The following TEDC1 variants were observed in gnomAD, a reference collection of about 807,000 sequenced individuals.
TEDC1 encodes the protein tubulin epsilon and delta complex protein 1.
A neutral mutation model predicts 59.9 loss-of-function variants in TEDC1; 54 were observed. That is an observed-to-expected ratio of 0.90 (90% confidence interval 0.72 to 1.13). TEDC1 has a LOEUF of 1.13. Ranked by LOEUF, TEDC1 falls within the 50% of genes most tolerant of loss-of-function variation. The pLI, the probability that TEDC1 is intolerant of heterozygous loss-of-function variation, is 0.00. For synonymous variants in TEDC1, 353 were observed against 298.1 expected, an observed-to-expected ratio of 1.18 and a Z score of -1.90; for missense variants, 734 against 683.4, an observed-to-expected ratio of 1.07 and a Z score of -0.83.
At chr14:105,492,829 C>T (rs2084247824) in intron 4 of TEDC1, 95 bp downstream of exon 4, 1 of 1,458,884 alleles carries the variant, frequency 6.9e-7, no homozygotes, top group Non-Finnish European at 9.1e-7. Flanking sequence ...AGGCCTGGCA[C>T]AGGCTTTTGG....
In TEDC1 at chr14:105,492,739, A is replaced by G. The variant is rs1201060147; in HGVS notation, c.585+5A>G. 6 of 1,540,450 alleles carry G rather than the reference A, an allele frequency of 3.9e-6. No homozygotes were observed. The highest frequency in any genetic ancestry group is 5.2e-6 in the Non-Finnish European group (6 of 1,146,658). On this transcript the variant is annotated splice_donor_5th_base_variant and intron_variant, in intron 4 of 8. Coordinates refer to ENST00000392523, the MANE Select transcript of TEDC1 (RefSeq NM_001367178.1). ...CAGTGCGCCCTCCTGAGCAAGGTAG[A>G]GCTGGCACAGGGCTTCCACTCAGGG...
intron 6 of TEDC1, chr14:105,496,730 G>A (rs1198434415): frequency 6.3e-6 from 1 of 159,084 alleles, no homozygotes; most frequent in East Asian, 1.9e-4. Flanking sequence ...CCTTTGTGCA[G>A]GGCCATGGGG....
intron 6 of TEDC1, 70 bp from the exon 7 acceptor site, chr14:105,497,287 G>T: frequency 6.9e-7 from 1 of 1,449,618 alleles, no homozygotes. Context: ...GCTGGGTCCA[G>T]CTGTCCATCC....
chr14:105,493,501 CTGT>C (rs1335813814), intron 4 of TEDC1, among the ~76,000 whole-genome samples: 1 of 152,178 alleles, frequency 6.6e-6, no homozygotes, highest in African/African-American at 2.4e-5. Context: ...GGCTGAACTG[CTGT>C]GCCTGTCCAG....
At position 105,497,389 on chromosome 14, in the gene TEDC1, C is replaced by T. The variant is rs1555440635; in HGVS notation, c.924C>T (p.Arg308=). 3.9e-6 allele frequency: 6 copies of T among 1,552,978 alleles called. No individual in the cohort carries two copies. The highest frequency in any genetic ancestry group is 1.9e-5 in the Admixed American group (1 of 51,342). The part of the protein sequence containing the change: ...LLRTLERENQ[R]LEAVLAWRRS... The stretch of plus-strand genomic sequence containing the variant: ...GGACTCTGGAGCGTGAGAACCAGCG[C>T]CTGGAGGCTGTCCTGGCGTGGCGGC... The change falls in exon 7 of 9, where the codon CGC becomes CGT. Residue 308 remains arginine, a synonymous_variant. Coordinates refer to ENST00000392523, the MANE Select transcript of TEDC1 (RefSeq NM_001367178.1).
chr14:105,496,145 GGGGT>G, intron 6 of TEDC1, 59 bp downstream of exon 6: 1 of 331,276 alleles, frequency 3.0e-6, no homozygotes, highest in Non-Finnish European at 5.9e-6. Context: ...TGGGTGGGAG[GGGGT>G]GGCGAGGGGG....
chr14:105,497,195 C>A, intron 6 of TEDC1, 162 bp from the exon 7 acceptor site: 2 of 727,812 alleles, frequency 2.7e-6, no homozygotes, highest in Non-Finnish European at 2.3e-6. Flanking sequence ...CCCTGCTCAT[C>A]GCTCTGGCCA....
At chr14:105,494,972 G>A (rs1187799812) in intron 5 of TEDC1, 1 of 152,318 alleles carries the variant, frequency 6.6e-6, no homozygotes, top group East Asian at 1.9e-4. Flanking sequence ...CTGGGTTCAA[G>A]CGATTTTCCT....
chr14:105,490,693 G>C (rs1216662442), upstream of TEDC1: 3 of 197,572 alleles, frequency 1.5e-5, no homozygotes, highest in Non-Finnish European at 3.0e-5. Flanking sequence ...CGCGCCAGGG[G>C]CCAGGGGCCG....
intron 6 of TEDC1, 131 bp downstream of exon 6, chr14:105,496,217 C>G: frequency 1.1e-6 from 1 of 885,088 alleles, no homozygotes; most frequent in Non-Finnish European, 1.7e-6. Context: ...TTCTTGGGAA[C>G]TGTGGTGATT....
Position 105,498,735 on chromosome 14 carries a change from A to G in TEDC1, c.1277A>G (p.Gln426Arg), listed in dbSNP as rs2084404122. Reference protein sequence around the residue: ...QCWERDGGPAQPHGPHRLVRR... With the variant: ...QCWERDGGPARPHGPHRLVRR... The stretch of plus-strand genomic sequence containing the variant: ...TGGGAGCGAGACGGTGGCCCGGCCC[A>G]GCCCCATGGGCCACACCGGCTGGTG... The change falls in exon 9 of 9, where the codon CAG becomes CGG. Residue 426 changes from glutamine to arginine, a missense_variant. Coordinates refer to ENST00000392523, the MANE Select transcript of TEDC1 (RefSeq NM_001367178.1). The G allele has an allele frequency of 6.4e-7, 1 of 1,557,496 alleles. No homozygotes were observed.
chr14:105,495,991 G>T lies in TEDC1; in HGVS notation c.796G>T (p.Val266Leu). The T allele has an allele frequency of 6.5e-7, 1 of 1,550,246 alleles. No homozygotes were observed. The highest frequency in any genetic ancestry group is 8.7e-7 in the Non-Finnish European group (1 of 1,146,902). ...PRTFWNDLWL[V>L]CEQPGLLPGD... ...AACCTTCTGGAATGATCTGTGGCTG[G>T]TATGTGAGCAGCCAGGTCTGCTGCC... The change falls in exon 6 of 9, where the codon GTA becomes TTA. Residue 266 changes from valine (V) to leucine (L), a missense_variant. By Grantham distance (32) the Val-to-Leu change is conservative. Coordinates refer to ENST00000392523, the MANE Select transcript of TEDC1 (RefSeq NM_001367178.1).
chr14:105,495,797 T>C (rs117842748), intron 5 of TEDC1, 83 bp from the exon 6 acceptor site: 27,970 of 1,169,670 alleles, frequency 0.024, 1,721 homozygotes, highest in East Asian at 0.2. Flanking sequence ...TGGGGGGGCC[T>C]GGAAGTGAGG....
chr14:105,492,340 C>T lies in TEDC1; in HGVS notation c.429+31C>T, dbSNP rs374016169. On this transcript the variant is annotated intron_variant, in intron 3 of 8. Transcript: ENST00000392523. Reference sequence around the variant, plus strand: ...TGTGGGTGAGGGTGAGCTGAGCCAGCCCTGGTCTCAACTCCTGGGGCCAGA... The same window carrying T: ...TGTGGGTGAGGGTGAGCTGAGCCAGTCCTGGTCTCAACTCCTGGGGCCAGA... 4.1e-5 allele frequency: 65 copies of T among 1,594,882 alleles called. No homozygotes were observed. In the Middle Eastern group the frequency reaches 8.9e-4, roughly 22 times the overall value.
chr14:105,497,854 C>T lies in TEDC1; in HGVS notation c.1035C>T (p.Thr345=), dbSNP rs782494765. The change falls in exon 8 of 9, where the codon ACC becomes ACT. Residue 345 remains threonine (T), a synonymous_variant. Coordinates refer to ENST00000392523, the MANE Select transcript of TEDC1 (RefSeq NM_001367178.1). The stretch of plus-strand genomic sequence containing the variant: ...TGCCTGCTGCAGCCTCACAGCCCAC[C>T]TTCCTGCCCTGGGTCCCCGAGCGCG... ...PEVPAAASQP[T]FLPWVPERGG... 6.4e-7 allele frequency: 1 copy of T among 1,569,616 alleles called. No homozygotes were observed. Among genetic ancestry groups the T allele is most frequent in the East Asian group, 2.3e-5 (1 of 42,750 alleles).
rs781935951 is a variant in TEDC1 at position 105,493,348 on chromosome 14, C to T, written c.586-487C>T. ...CCTTTCCAGGGACCTCTCACCCCGT[C>T]GGGCCTGGCCTTGGCACCAGCTGCT... On this transcript the variant is annotated intron_variant, in intron 4 of 8. Coordinates refer to ENST00000392523, the MANE Select transcript of TEDC1 (RefSeq NM_001367178.1). 7.9e-5 allele frequency among the ~76,000 whole-genome samples: 12 copies of T among 152,030 alleles called. No homozygotes were observed. In the East Asian group the frequency reaches 1.2e-3, roughly 15 times the overall value.
intron 4 of TEDC1, 144 bp downstream of exon 4, chr14:105,492,878 T>C: frequency 8.2e-7 from 1 of 1,222,112 alleles, no homozygotes; most frequent in Non-Finnish European, 1.1e-6. Context: ...ACCCAAAGCC[T>C]GAGCCCGTGG....
intron 5 of TEDC1, chr14:105,495,282 A>T (rs1710307505): frequency 6.4e-6 from 1 of 155,538 alleles, no homozygotes. Context: ...TTCCAGACCC[A>T]GTCCCCCTTC....
At position 105,492,585 on chromosome 14, in the gene TEDC1, G is replaced by A; in HGVS notation, c.436G>A (p.Ala146Thr). Residue 146 changes from alanine (A) to threonine (T), a missense_variant, in exon 4 of 9, where the codon GCC becomes ACC. Physicochemically the swap from Ala to Thr is moderately conservative, Grantham distance 58. Transcript: ENST00000392523. ...GACCCTTGCCCCTCTCCAGTGTGAG[G>A]CCCTGGCCAGCCCTGGCCCACCTGC... ...GDEMTVCQCE[A>T]LASPGPPAPH... is the part of the protein sequence containing the mutation. 1 of 1,538,648 alleles carries A rather than the reference G, an allele frequency of 6.5e-7. No homozygotes were observed. Among genetic ancestry groups the A allele is most frequent in the East Asian group, 2.4e-5 (1 of 40,928 alleles).
Sources: allele counts gnomAD v4.1 joint callset (sites outside exome capture counted in the v4.1 genomes callset), GRCh38; gene constraint gnomAD v4.1.1; transcripts MANE v1.5; gene names NCBI Gene and HGNC (gene_info 2026-07-23, HGNC 2026-07-21).